The following KCNIP4 variants were observed in gnomAD, a reference collection of about 807,000 sequenced individuals.
KCNIP4 encodes the protein Kv channel-interacting protein 4.
In KCNIP4, 12 loss-of-function variants were observed where a neutral mutation model predicts 34.0. That is an observed-to-expected ratio of 0.35 (90% CI 0.23 to 0.57). The LOEUF is 0.57. KCNIP4 is among the 20% of genes least tolerant of loss of function. The pLI, the probability that KCNIP4 is intolerant of heterozygous loss-of-function variation, is 0.83. For missense variants in KCNIP4, 238 were observed against 311.7 expected (o/e 0.76, Z 1.78); for synonymous variants, 124 against 102.2 (o/e 1.21, Z -1.29).
intron 1 of KCNIP4, among the ~76,000 whole-genome samples, chr4:21,151,585 A>AATCTT (rs1752764178): frequency 2.0e-5 from 3 of 151,816 alleles, no homozygotes; most frequent in Admixed American, 2.0e-4. Flanking sequence ...TAGGGGGACC[A>AATCTT]ATCTTGTACA....
At chr4:21,755,161 C>A (rs1474821117) in intron 1 of KCNIP4, among the ~76,000 whole-genome samples, 1 of 152,070 alleles carries the variant, frequency 6.6e-6, no homozygotes, top group East Asian at 1.9e-4. Flanking sequence ...AAAGAAAGAA[C>A]ATGGAAAGAA....
chr4:21,275,848 A>AGTAAAGTTG (rs943730799), intron 1 of KCNIP4, among the ~76,000 whole-genome samples: 37 of 152,320 alleles, frequency 2.4e-4, no homozygotes, highest in Admixed American at 2.2e-3. Flanking sequence ...ACTATGAGAT[A>AGTAAAGTTG]GACCAAGGGT....
chr4:21,283,039 G>A (rs1471411949), intron 1 of KCNIP4, among the ~76,000 whole-genome samples: 1 of 151,986 alleles, frequency 6.6e-6, no homozygotes, highest in Non-Finnish European at 1.5e-5. Context: ...TACATCAATG[G>A]GTCACAAATG....
chr4:20,864,043 CGCATGTATGT>C (rs369184417), intron 2 of KCNIP4, among the ~76,000 whole-genome samples: 4,954 of 88,788 alleles, frequency 0.056, 259 homozygotes, highest in Middle Eastern at 0.076. Flanking sequence ...TGTATGTATA[CGCATGTATGT>C]ATACACATGT....
intron 1 of KCNIP4, among the ~76,000 whole-genome samples, chr4:21,246,904 G>T (rs1760246588): frequency 6.6e-6 from 1 of 152,074 alleles, no homozygotes; most frequent in Non-Finnish European, 1.5e-5. Flanking sequence ...CATTTAAAAT[G>T]CAATTATGAA....
At chr4:21,380,834 T>C (rs943455437) in intron 1 of KCNIP4, among the ~76,000 whole-genome samples, 7 of 118,402 alleles carry the variant, frequency 5.9e-5, no homozygotes, top group African/African-American at 1.8e-4. Flanking sequence ...TATATTTCCA[T>C]TGGTGACACA....
intron 1 of KCNIP4, among the ~76,000 whole-genome samples, chr4:21,152,988 T>C (rs1371469562): frequency 6.6e-6 from 1 of 152,160 alleles, no homozygotes; most frequent in Non-Finnish European, 1.5e-5. Flanking sequence ...TTAAAGAAGT[T>C]CTTCATTCTT....
At chr4:20,934,879 T>C (rs1402370789) in intron 1 of KCNIP4, among the ~76,000 whole-genome samples, 2 of 152,200 alleles carry the variant, frequency 1.3e-5, no homozygotes, top group East Asian at 3.8e-4. Flanking sequence ...AAGTCTGAAA[T>C]CAAGGTGTCA....
At chr4:21,088,926 C>T (rs181428950) in intron 1 of KCNIP4, among the ~76,000 whole-genome samples, 3 of 152,260 alleles carry the variant, frequency 2.0e-5, no homozygotes, top group East Asian at 3.9e-4. Flanking sequence ...ATATACAATA[C>T]CCCAATCAGT....
intron 1 of KCNIP4, among the ~76,000 whole-genome samples, chr4:21,023,873 C>T (rs1740293929): frequency 2.0e-5 from 3 of 151,974 alleles, no homozygotes; most frequent in Non-Finnish European, 2.9e-5. Flanking sequence ...CCGAGTGAGA[C>T]TCTGTCTGAA....
At chr4:21,781,208 A>C (rs559781679) in intron 1 of KCNIP4, among the ~76,000 whole-genome samples, 1 of 152,208 alleles carries the variant, frequency 6.6e-6, no homozygotes, top group African/African-American at 2.4e-5. Flanking sequence ...AAAATCTGAT[A>C]GTTTTATAAG....
intron 1 of KCNIP4, among the ~76,000 whole-genome samples, chr4:21,084,319 C>A (rs1456123793): frequency 6.6e-6 from 1 of 151,914 alleles, no homozygotes. Flanking sequence ...ATGACTTAGT[C>A]ATCAAAGGTG....
intron 1 of KCNIP4, among the ~76,000 whole-genome samples, chr4:21,116,737 C>G (rs1749709695): frequency 6.6e-6 from 1 of 152,186 alleles, no homozygotes; most frequent in African/African-American, 2.4e-5. Context: ...AGGCTGCTCA[C>G]TATAACATGC....
At chr4:21,425,350 T>A (rs1725841461) in intron 1 of KCNIP4, among the ~76,000 whole-genome samples, 1 of 152,172 alleles carries the variant, frequency 6.6e-6, no homozygotes, top group Non-Finnish European at 1.5e-5. Context: ...AGGGGACAAC[T>A]AAAACTGTCT....
intron 3 of KCNIP4, among the ~76,000 whole-genome samples, chr4:20,796,514 T>C (rs1713485625): frequency 6.6e-6 from 1 of 152,120 alleles, no homozygotes; most frequent in African/African-American, 2.4e-5. Flanking sequence ...AGTCTGACTC[T>C]GCCTAACTCT....
intron 1 of KCNIP4, among the ~76,000 whole-genome samples, chr4:21,826,232 G>A (rs954422710): frequency 1.8e-4 from 28 of 152,120 alleles, no homozygotes; most frequent in Admixed American, 1.6e-3. Flanking sequence ...ATTTTTGACA[G>A]TTACATGGGG....
At chr4:21,756,100 TAG>T (rs1717499358) in intron 1 of KCNIP4, among the ~76,000 whole-genome samples, 1 of 152,248 alleles carries the variant, frequency 6.6e-6, no homozygotes, top group African/African-American at 2.4e-5. Flanking sequence ...TGATACTTTA[TAG>T]CTAAAAACAT....
chr4:21,519,520 A>G lies in KCNIP4; in HGVS notation c.61+429051T>C, dbSNP rs1392551508. 1.8e-4 allele frequency among the ~76,000 whole-genome samples: 11 copies of G among 60,966 alleles called. 1 individual carries two copies. The highest frequency in any genetic ancestry group is 5.1e-4 in the African/African-American group (10 of 19,652). The allele number at this position is 60,966 out of a possible 152,430, so 40.0% of individuals were successfully genotyped here. Reference sequence around the variant, plus strand: ...TGTATGTGTATGTGTATATACACATATGTGTGTATGTGTATGTGTATATAC... The same window carrying G: ...TGTATGTGTATGTGTATATACACATGTGTGTGTATGTGTATGTGTATATAC... On this transcript the variant is annotated intron_variant, in intron 1 of 8. Coordinates refer to ENST00000382152, the MANE Select transcript of KCNIP4 (RefSeq NM_025221.6).
chr4:21,008,242 A>C (rs1738741506), intron 1 of KCNIP4, among the ~76,000 whole-genome samples: 1 of 152,186 alleles, frequency 6.6e-6, no homozygotes, highest in East Asian at 1.9e-4. Flanking sequence ...TCACTTCTCA[A>C]GATTTGCTAC....
Sources: gnomAD v4.1 joint callset for allele counts (sites outside exome capture counted in the v4.1 genomes callset) on GRCh38, gnomAD v4.1.1 for gene constraint, MANE v1.5 for transcripts, NCBI Gene and HGNC (gene_info 2026-07-23, HGNC 2026-07-21) for gene names.